TRPC6: variants seen among roughly 807,000 people sequenced by gnomAD.
TRPC6 encodes transient receptor potential cation channel subfamily C member 6.
TRPC6 carries 55 observed loss-of-function variants against 90.7 expected under a neutral mutation model. That is an observed-to-expected ratio of 0.61 (90% CI 0.49 to 0.76). The LOEUF (loss-of-function observed/expected upper bound fraction) is 0.76, where lower values mean the gene tolerates loss of function less well. Ranked by LOEUF, TRPC6 falls within the 30% of genes least tolerant of loss-of-function variation. The probability of loss-of-function intolerance (pLI) is 0.00; values close to 1 mark genes in which losing one functional copy is unlikely to be tolerated. For synonymous variants in TRPC6, 393 were observed against 393.0 expected (o/e 1.00, Z 0.00); for missense variants, 989 against 1,122.7 (o/e 0.88, Z 1.70).
At chr11:101,523,472 T>C (rs781380675) in intron 1 of TRPC6, among the ~76,000 whole-genome samples, 19 of 152,238 alleles carry the variant, frequency 1.2e-4, no homozygotes, top group South Asian at 4.1e-4. Context: ...ACAGTTGCCA[T>C]TGTCTTCAAC....
intron 1 of TRPC6, among the ~76,000 whole-genome samples, chr11:101,526,407 TG>T (rs1860780500): frequency 6.6e-6 from 1 of 152,244 alleles, no homozygotes; most frequent in Admixed American, 6.5e-5. Context: ...AAATAAATTT[TG>T]GCATAGTTTA....
intron 5 of TRPC6, among the ~76,000 whole-genome samples, chr11:101,480,339 T>G (rs894097738): frequency 6.6e-6 from 1 of 152,122 alleles, no homozygotes; most frequent in South Asian, 2.1e-4. Context: ...AGGCGTGATA[T>G]TCCTTCTATA....
intron 1 of TRPC6, among the ~76,000 whole-genome samples, chr11:101,514,161 G>C (rs1472918925): frequency 6.6e-6 from 1 of 152,082 alleles, no homozygotes; most frequent in Non-Finnish European, 1.5e-5. Context: ...GATCGTAACA[G>C]TTCATTCATT....
At chr11:101,496,709 G>A (rs999474612) in intron 2 of TRPC6, among the ~76,000 whole-genome samples, 1 of 152,150 alleles carries the variant, frequency 6.6e-6, no homozygotes, top group Non-Finnish European at 1.5e-5. Context: ...GAAGCTTGGA[G>A]AGCGGCGATG....
intron 10 of TRPC6, among the ~76,000 whole-genome samples, chr11:101,456,022 AT>A (rs1014247674): frequency 6.6e-6 from 1 of 152,054 alleles, no homozygotes; most frequent in African/African-American, 2.4e-5. Flanking sequence ...AAATAGCATC[AT>A]TTTTCATGTA....
chr11:101,476,769 G>A (rs1859427898), intron 5 of TRPC6, among the ~76,000 whole-genome samples: 2 of 152,090 alleles, frequency 1.3e-5, no homozygotes, highest in Admixed American at 6.6e-5. Flanking sequence ...AATAACAAAT[G>A]TCCTGCTGAT....
intron 2 of TRPC6, among the ~76,000 whole-genome samples, chr11:101,496,238 G>C (rs527917884): frequency 1.2e-4 from 19 of 152,282 alleles, no homozygotes; most frequent in Admixed American, 1.2e-3. Context: ...TTCAACAAGA[G>C]ATTTGGGCAG....
At chr11:101,540,121 T>C (rs916729719) in intron 1 of TRPC6, among the ~76,000 whole-genome samples, 2 of 152,222 alleles carry the variant, frequency 1.3e-5, no homozygotes, top group African/African-American at 2.4e-5. Flanking sequence ...ACAACACATA[T>C]GTGTAAAATT....
chr11:101,564,602 T>C (rs1861788538), intron 1 of TRPC6, among the ~76,000 whole-genome samples: 1 of 152,134 alleles, frequency 6.6e-6, no homozygotes, highest in Admixed American at 6.6e-5. Flanking sequence ...AGATATTCCA[T>C]GCTCATGGAT....
At chr11:101,578,755 T>C (rs1591152978) in intron 1 of TRPC6, among the ~76,000 whole-genome samples, 1 of 152,204 alleles carries the variant, frequency 6.6e-6, no homozygotes, top group Non-Finnish European at 1.5e-5. Flanking sequence ...ACTCCATTAA[T>C]AACAAGAGAG....
At chr11:101,556,328 G>T in intron 1 of TRPC6, among the ~76,000 whole-genome samples, 1 of 149,706 alleles carries the variant, frequency 6.7e-6, no homozygotes, top group South Asian at 2.1e-4. Flanking sequence ...GGCTCACTAA[G>T]AAAAAAAAAT....
chr11:101,497,458 C>A (rs1175373412), intron 2 of TRPC6, among the ~76,000 whole-genome samples: 2 of 152,166 alleles, frequency 1.3e-5, no homozygotes, highest in Admixed American at 1.3e-4. Context: ...CAATGCCAAG[C>A]ATTTTTTGAA....
Position 101,559,678 on chromosome 11 carries a change from C to T in TRPC6, c.170+23656G>A, listed in dbSNP as rs1861669360. Among the ~76,000 whole-genome samples the T allele has an allele frequency of 2.0e-5, 3 of 151,382 alleles. No individual in the cohort carries two copies. In the South Asian group the frequency reaches 6.3e-4, roughly 32 times the overall value. ...CTTTAAGTTTTAGGGTACATGTGCA[C>T]AACGTGCAGGTTTGTTACATATGTA... On this transcript the variant is annotated intron_variant, in intron 1 of 12. Coordinates refer to ENST00000344327, the MANE Select transcript of TRPC6 (RefSeq NM_004621.6).
chr11:101,575,293 C>T (rs1219696708), intron 1 of TRPC6, among the ~76,000 whole-genome samples: 1 of 152,184 alleles, frequency 6.6e-6, no homozygotes, highest in African/African-American at 2.4e-5. Flanking sequence ...GCAATCGACA[C>T]AATTTTGTTA....
At chr11:101,464,452 T>C (rs1859093138) in intron 10 of TRPC6, among the ~76,000 whole-genome samples, 1 of 152,174 alleles carries the variant, frequency 6.6e-6, no homozygotes, top group South Asian at 2.1e-4. Flanking sequence ...TCTAAGAACT[T>C]GGTTTATGAA....
At chr11:101,453,516 G>T (rs901351229) in intron 12 of TRPC6, 134 bp downstream of exon 12, 1 of 882,998 alleles carries the variant, frequency 1.1e-6, no homozygotes, top group Non-Finnish European at 1.9e-6. Flanking sequence ...ACGGCGGTTG[G>T]TGAGATCCTG....
intron 1 of TRPC6, among the ~76,000 whole-genome samples, chr11:101,511,543 G>GA (rs1350976739): frequency 6.6e-6 from 1 of 152,114 alleles, no homozygotes; most frequent in Non-Finnish European, 1.5e-5. Context: ...TATAAAGGTT[G>GA]AGCCACAGTG....
rs1221754825 is a variant in TRPC6, at chr11:101,469,472, T to C, written c.2439A>G (p.Leu813=). ...ATTTTGAAAGGTCTTCATGACTTCC[T>C]AAAATTCCAAGTTTCTTTTCTTCAT... ...KINEEKKLGI[L]GSHEDLSKLS... The change falls in exon 10 of 13, where the codon TTA becomes TTG. Residue 813 remains leucine, a synonymous_variant. Coordinates refer to ENST00000344327, the MANE Select transcript of TRPC6 (RefSeq NM_004621.6). 1.3e-6 allele frequency: 1 copy of C among 771,248 alleles called. No homozygotes were observed. Among genetic ancestry groups the C allele is most frequent in the African/African-American group, 1.7e-5 (1 of 59,104 alleles). 47.8% of individuals were successfully genotyped at this position (771,248 alleles called of 1,614,324 possible). A position where few individuals can be genotyped will look rare whatever the true frequency, so the allele number is the denominator to read the frequency against.
intron 1 of TRPC6, among the ~76,000 whole-genome samples, chr11:101,543,749 A>G (rs1274779578): frequency 1.3e-5 from 2 of 152,210 alleles, no homozygotes; most frequent in Non-Finnish European, 2.9e-5. Flanking sequence ...TGGATTAAAG[A>G]CTTAAATGTA....
Sources: allele counts gnomAD v4.1 joint callset (sites outside exome capture counted in the v4.1 genomes callset), GRCh38; gene constraint gnomAD v4.1.1; transcripts MANE v1.5; gene names NCBI Gene and HGNC (gene_info 2026-07-23, HGNC 2026-07-21).